DNM3: variants seen among roughly 807,000 people sequenced by gnomAD.
DNM3 encodes the protein dynamin 3.
In DNM3, 47 loss-of-function variants were observed where a neutral mutation model predicts 101.6. That is an observed-to-expected ratio of 0.46 (90% CI 0.37 to 0.59). DNM3 has a LOEUF of 0.59. Ranked by LOEUF, DNM3 falls within the 20% of genes least tolerant of loss-of-function variation. The pLI is 0.00. For missense variants in DNM3, 849 were observed against 1,085.7 expected (o/e 0.78, Z 3.06); for synonymous variants, 385 against 387.9 (o/e 0.99, Z 0.09).
chr1:172,161,710 G>A (rs1209860145), intron 14 of DNM3, among the ~76,000 whole-genome samples: 1 of 151,934 alleles, frequency 6.6e-6, no homozygotes, highest in African/African-American at 2.4e-5. Flanking sequence ...GGTTAATATC[G>A]ACTTAACTGC....
chr1:172,255,020 C>T (rs914959457), intron 15 of DNM3, among the ~76,000 whole-genome samples: 1 of 152,002 alleles, frequency 6.6e-6, no homozygotes, highest in African/African-American at 2.4e-5. Flanking sequence ...GGCCCAGGGT[C>T]AATCACACAG....
At chr1:172,383,027 T>C (rs1362045050) in intron 18 of DNM3, among the ~76,000 whole-genome samples, 1 of 152,144 alleles carries the variant, frequency 6.6e-6, no homozygotes, top group Non-Finnish European at 1.5e-5. Context: ...ATGTTCATTA[T>C]TTTAGGGGAA....
chr1:172,142,979 A>T (rs10911101), intron 14 of DNM3, among the ~76,000 whole-genome samples: 33,605 of 151,872 alleles, frequency 0.22, 4,148 homozygotes, highest in East Asian at 0.48. Context: ...AAATGAAAGG[A>T]TAACTTTACT....
At chr1:172,158,551 A>G (rs907767675) in intron 14 of DNM3, among the ~76,000 whole-genome samples, 1 of 96,796 alleles carries the variant, frequency 1.0e-5, no homozygotes. Context: ...TGAATAAATG[A>G]GTGAGATGGA....
chr1:172,073,218 T>C (rs932577579), intron 11 of DNM3, among the ~76,000 whole-genome samples: 14 of 151,970 alleles, frequency 9.2e-5, no homozygotes, highest in Non-Finnish European at 1.9e-4. Context: ...TATATGTATG[T>C]ATGTATATAT....
At chr1:171,883,115 T>C (rs965618840) in intron 1 of DNM3, among the ~76,000 whole-genome samples, 5 of 152,066 alleles carry the variant, frequency 3.3e-5, no homozygotes, top group African/African-American at 1.2e-4. Context: ...TTTGAAAGCA[T>C]ATTTTCCTGG....
At chr1:172,302,627 C>T (rs749200178) in intron 15 of DNM3, among the ~76,000 whole-genome samples, 14 of 152,160 alleles carry the variant, frequency 9.2e-5, no homozygotes, top group South Asian at 2.1e-4. Context: ...TAGGGGCTGA[C>T]TGACACCTCA....
intron 14 of DNM3, among the ~76,000 whole-genome samples, chr1:172,194,761 A>G (rs959582870): frequency 1.3e-5 from 2 of 151,912 alleles, no homozygotes; most frequent in Admixed American, 1.3e-4. Context: ...GTGTCTCTGC[A>G]TGTAAGATGA....
chr1:172,247,691 A>ATTTGTTTG (rs1553207766), intron 14 of DNM3, among the ~76,000 whole-genome samples: 1 of 150,332 alleles, frequency 6.7e-6, no homozygotes, highest in African/African-American at 2.4e-5. Context: ...TTATTTATTT[A>ATTTGTTTG]TTTGTTTATT....
intron 4 of DNM3, among the ~76,000 whole-genome samples, chr1:172,005,051 A>T (rs1030499570): frequency 1.4e-4 from 21 of 152,114 alleles, no homozygotes; most frequent in Non-Finnish European, 1.0e-4. Flanking sequence ...AAAACAGTAC[A>T]GCCCCCAGTG....
At chr1:172,220,857 C>T (rs375987403) in intron 14 of DNM3, among the ~76,000 whole-genome samples, 8 of 152,042 alleles carry the variant, frequency 5.3e-5, no homozygotes, top group African/African-American at 9.7e-5. Context: ...TTAATAAAAG[C>T]GTGCCATAAA....
At chr1:171,862,834 C>A (rs1357146130) in intron 1 of DNM3, among the ~76,000 whole-genome samples, 1 of 151,838 alleles carries the variant, frequency 6.6e-6, no homozygotes, top group Non-Finnish European at 1.5e-5. Context: ...AAGGGCCCTG[C>A]AAGGAAGCCC....
At chr1:172,281,027 CTT>C (rs975807959) in intron 15 of DNM3, among the ~76,000 whole-genome samples, 7 of 151,908 alleles carry the variant, frequency 4.6e-5, no homozygotes, top group African/African-American at 1.5e-4. Context: ...GAAAGAGACT[CTT>C]TATAACTGGA....
At chr1:172,267,031 C>T (rs2062886259) in intron 15 of DNM3, among the ~76,000 whole-genome samples, 4 of 152,154 alleles carry the variant, frequency 2.6e-5, no homozygotes, top group Admixed American at 2.6e-4. Context: ...AGTAGTGTTA[C>T]TAGGGGGATC....
rs1318961543 is a variant in DNM3, at chr1:172,409,490, A to G, written c.*1649A>G. 7 of 984,176 alleles carry G rather than the reference A, an allele frequency of 7.1e-6. No homozygotes were observed. Among genetic ancestry groups the G allele is most frequent in the African/African-American group, 1.7e-5 (1 of 57,208 alleles). The allele number at this position is 984,176 out of a possible 1,614,324, so 61.0% of individuals were successfully genotyped here. On this transcript the variant is annotated 3_prime_UTR_variant, in exon 21 of 21. Coordinates refer to ENST00000627582, the MANE Select transcript of DNM3 (RefSeq NM_015569.5). ...ATAATTGGTAAAAATCAGAAAATAC[A>G]AGATTTACATAAAGGTCATTTCAAC...
intron 4 of DNM3, among the ~76,000 whole-genome samples, chr1:172,030,988 G>A (rs111744448): frequency 0.025 from 3,832 of 152,296 alleles, 150 homozygotes; most frequent in African/African-American, 0.086. Context: ...GCGGAAGACA[G>A]TATGGGAATC....
At chr1:171,876,361 C>T (rs2035783046) in intron 1 of DNM3, among the ~76,000 whole-genome samples, 1 of 152,088 alleles carries the variant, frequency 6.6e-6, no homozygotes, top group Non-Finnish European at 1.5e-5. Context: ...CAGTTCACTT[C>T]TTCCAATGTT....
chr1:172,163,883 G>T (rs1460467003), intron 14 of DNM3, among the ~76,000 whole-genome samples: 1 of 101,204 alleles, frequency 9.9e-6, no homozygotes, highest in Non-Finnish European at 1.9e-5. Flanking sequence ...ATATGTATGT[G>T]TATATATGTA....
intron 1 of DNM3, among the ~76,000 whole-genome samples, chr1:171,892,029 T>C (rs549696905): frequency 6.6e-6 from 1 of 152,362 alleles, no homozygotes; most frequent in South Asian, 2.1e-4. Context: ...CAATAATTTA[T>C]ATCAGTATGG....
Sources: gnomAD v4.1 joint callset for allele counts (sites outside exome capture counted in the v4.1 genomes callset) on GRCh38, gnomAD v4.1.1 for gene constraint, MANE v1.5 for transcripts, NCBI Gene and HGNC (gene_info 2026-07-23, HGNC 2026-07-21) for gene names.